The following SPIN1 variants were observed in gnomAD, a reference collection of about 807,000 sequenced individuals.
SPIN1 encodes spindlin 1, also known as spindlin-1.
A neutral mutation model predicts 26.0 loss-of-function variants in SPIN1; 3 were observed. The ratio of observed to expected loss-of-function variants is 0.12; its 90% CI spans 0.05 to 0.30. SPIN1 has a LOEUF of 0.30. Ranked by LOEUF, SPIN1 falls within the 10% of genes least tolerant of loss-of-function variation. The pLI, the probability that SPIN1 is intolerant of heterozygous loss-of-function variation, is 1.00. For missense variants in SPIN1, 126 were observed against 333.4 expected, an observed-to-expected ratio of 0.38 and a Z score of 4.84; for synonymous variants, 101 against 116.5, an observed-to-expected ratio of 0.87 and a Z score of 0.86.
intron 1 of SPIN1, among the ~76,000 whole-genome samples, chr9:88,419,307 C>T (rs1827629273): frequency 6.6e-6 from 1 of 152,054 alleles, no homozygotes; most frequent in African/African-American, 2.4e-5. Context: ...AACCACTCAC[C>T]CCGTCACTCT....
At position 88,426,445 on chromosome 9, in the gene SPIN1, C is replaced by T. The variant is rs555003494; in HGVS notation, c.-95C>T. 180 of 984,386 alleles carry T rather than the reference C, an allele frequency of 1.8e-4. 1 individual carries two copies. The highest frequency in any genetic ancestry group is 1.5e-3 in the Middle Eastern group (7 of 4,670). 61.0% of individuals were successfully genotyped at this position (984,386 alleles called of 1,614,324 possible). On this transcript the variant is annotated 5_prime_UTR_variant, in exon 2 of 6. Coordinates refer to ENST00000375859, the MANE Select transcript of SPIN1 (RefSeq NM_006717.3). ...AAGAGACACTTGGATGGTGGATTAA[C>T]CAGAACACTAACATTCTGTGAAAAG...
intron 3 of SPIN1, among the ~76,000 whole-genome samples, chr9:88,452,884 C>A (rs1828391001): frequency 6.6e-6 from 1 of 152,154 alleles, no homozygotes; most frequent in Non-Finnish European, 1.5e-5. Flanking sequence ...TGCTTTATTA[C>A]AATACCAAAT....
intron 3 of SPIN1, among the ~76,000 whole-genome samples, chr9:88,456,633 A>G (rs1175298853): frequency 1.3e-5 from 2 of 152,218 alleles, no homozygotes; most frequent in African/African-American, 4.8e-5. Context: ...CAGAACCTGC[A>G]CTTACTGCTC....
intron 3 of SPIN1, among the ~76,000 whole-genome samples, chr9:88,460,821 C>T (rs761536879): frequency 2.2e-4 from 34 of 152,204 alleles, no homozygotes; most frequent in Non-Finnish European, 4.8e-4. Context: ...CACAGACACA[C>T]CCACGAACAG....
chr9:88,438,447 A>G (rs1828052992), intron 2 of SPIN1, among the ~76,000 whole-genome samples: 1 of 152,180 alleles, frequency 6.6e-6, no homozygotes, highest in South Asian at 2.1e-4. Flanking sequence ...AAATTTGTGA[A>G]ACTGTTTTAC....
At chr9:88,472,697 T>C (rs1392260457) in intron 5 of SPIN1, among the ~76,000 whole-genome samples, 1 of 152,202 alleles carries the variant, frequency 6.6e-6, no homozygotes, top group Non-Finnish European at 1.5e-5. Context: ...TTCACTGTGT[T>C]GGCCAGGATG....
At chr9:88,412,884 A>G (rs965218760) in intron 1 of SPIN1, among the ~76,000 whole-genome samples, 5 of 151,962 alleles carry the variant, frequency 3.3e-5, no homozygotes, top group African/African-American at 9.7e-5. Context: ...GGGTTTCACT[A>G]TGTTGGCCAG....
intron 1 of SPIN1, among the ~76,000 whole-genome samples, chr9:88,403,554 TA>T (rs1827232350): frequency 6.6e-6 from 1 of 151,844 alleles, no homozygotes; most frequent in Non-Finnish European, 1.5e-5. Context: ...ACAGAAAATT[TA>T]AAAAAATTAG....
At chr9:88,405,486 C>CG (rs970968675) in intron 1 of SPIN1, among the ~76,000 whole-genome samples, 11 of 150,924 alleles carry the variant, frequency 7.3e-5, no homozygotes, top group African/African-American at 2.7e-4. Context: ...CTCGCCCTCC[C>CG]AAAGTGCTGG....
intron 1 of SPIN1, among the ~76,000 whole-genome samples, chr9:88,400,409 T>G (rs1198112926): frequency 3.3e-5 from 5 of 152,168 alleles, no homozygotes; most frequent in African/African-American, 4.8e-5. Context: ...GATTCTGGGT[T>G]CAGTGTTATA....
Position 88,426,523 on chromosome 9 carries a change from C to G in SPIN1, c.-17C>G, listed in dbSNP as rs1455592536. On this transcript the variant is annotated 5_prime_UTR_variant, in exon 2 of 6. Coordinates refer to ENST00000375859, the MANE Select transcript of SPIN1 (RefSeq NM_006717.3). ...ACCCTAGTCCAGCAGCTCCGCTGCT[C>G]ACTTAAATACAGATGAATGAAGACC... 1 of 1,610,794 alleles carries G rather than the reference C, an allele frequency of 6.2e-7. No individual in the cohort carries two copies. Among genetic ancestry groups the G allele is most frequent in the Non-Finnish European group, 8.5e-7 (1 of 1,178,220 alleles).
chr9:88,410,783 C>A, intron 1 of SPIN1: 1 of 1,096,034 alleles, frequency 9.1e-7, no homozygotes, highest in East Asian at 2.3e-5. Context: ...CCACTGCCAC[C>A]AAAGCCACCA....
At chr9:88,401,427 C>T (rs561245551) in intron 1 of SPIN1, among the ~76,000 whole-genome samples, 10 of 152,110 alleles carry the variant, frequency 6.6e-5, no homozygotes, top group African/African-American at 2.2e-4. Context: ...ACTCCGCCTG[C>T]CTCCCCGCCT....
At chr9:88,442,809 C>G (rs532524508) in intron 2 of SPIN1, among the ~76,000 whole-genome samples, 175 of 151,956 alleles carry the variant, frequency 1.2e-3, no homozygotes, top group African/African-American at 3.5e-3. Flanking sequence ...GGTTTGGTGT[C>G]TGGCATTAAT....
rs1315970198 is a variant in SPIN1 at position 88,467,237 on chromosome 9, T to C, written c.356-1135T>C. Among the ~76,000 whole-genome samples, 4 of 152,216 alleles carry C rather than the reference T, an allele frequency of 2.6e-5. No individual in the cohort carries two copies. The East Asian group carries it at 7.7e-4, about 29-fold the overall frequency. On this transcript the variant is annotated intron_variant, in intron 4 of 5. Transcript: ENST00000375859. ...AAGGGCTAGGACCGTTAATCTATCA[T>C]TTCAGAGACCTGAGCTCCCAACCAC...
At chr9:88,468,192 T>A (rs1385533627) in intron 4 of SPIN1, among the ~76,000 whole-genome samples, 180 bp from the exon 5 acceptor site, 1 of 152,178 alleles carries the variant, frequency 6.6e-6, no homozygotes, top group Non-Finnish European at 1.5e-5. Context: ...ATCTCTGAGC[T>A]GGGGCCCAGT....
intron 1 of SPIN1, among the ~76,000 whole-genome samples, chr9:88,389,865 C>CT (rs1268048431): frequency 3.3e-5 from 5 of 151,992 alleles, no homozygotes; most frequent in Non-Finnish European, 7.4e-5. Flanking sequence ...TTTTAACACT[C>CT]TTTTGAAGTG....
intron 2 of SPIN1, among the ~76,000 whole-genome samples, chr9:88,438,408 A>G (rs991344796): frequency 6.6e-6 from 1 of 152,188 alleles, no homozygotes; most frequent in Non-Finnish European, 1.5e-5. Context: ...GTTGTATGAC[A>G]GCATACACTG....
chr9:88,433,969 C>T (rs1827941839), intron 2 of SPIN1, among the ~76,000 whole-genome samples: 1 of 152,084 alleles, frequency 6.6e-6, no homozygotes, highest in South Asian at 2.1e-4. Context: ...GTTTGAGGAC[C>T]TCCTTTACGC....
Sources: allele counts gnomAD v4.1 joint callset (sites outside exome capture counted in the v4.1 genomes callset), GRCh38; gene constraint gnomAD v4.1.1; transcripts MANE v1.5; gene names NCBI Gene and HGNC (gene_info 2026-07-23, HGNC 2026-07-21).